The following UNC5B variants were observed in gnomAD, a reference collection of about 807,000 sequenced individuals.
UNC5B encodes the protein netrin receptor UNC5B.
A neutral mutation model predicts 103.7 loss-of-function variants in UNC5B; 56 were observed. The observed-to-expected ratio is 0.54, with a 90% CI of 0.44 to 0.67. The LOEUF is 0.67. Ranked by LOEUF, UNC5B falls within the 30% of genes least tolerant of loss-of-function variation. The pLI, the probability that UNC5B is intolerant of heterozygous loss-of-function variation, is 0.00. For missense variants in UNC5B, 1,194 were observed against 1,284.5 expected (o/e 0.93, Z 1.08); for synonymous variants, 577 against 542.0 (o/e 1.06, Z -0.90).
chr10:71,287,708 G>A lies in UNC5B; in HGVS notation c.844G>A (p.Gly282Arg). The A allele has an allele frequency of 6.2e-7, 1 of 1,612,898 alleles. No homozygotes were observed. Among genetic ancestry groups the A allele is most frequent in the Non-Finnish European group, 8.5e-7 (1 of 1,179,374 alleles). The change falls in exon 6 of 17, where the codon GGG (glycine) becomes AGG (arginine). Residue 282 changes from glycine to arginine, a missense_variant. Transcript: ENST00000335350. ...TCTNPAPLNG[G>R]AFCEGQAFQK... Reference sequence around the variant, plus strand: ...CACCAACCCCGCTCCACTCAACGGAGGGGCCTTCTGCGAGGGCCAGGCATT... The same window carrying A: ...CACCAACCCCGCTCCACTCAACGGAAGGGCCTTCTGCGAGGGCCAGGCATT...
intron 1 of UNC5B, among the ~76,000 whole-genome samples, chr10:71,259,086 T>G (rs569128374): frequency 1.3e-5 from 2 of 152,168 alleles, no homozygotes; most frequent in Non-Finnish European, 2.9e-5. Context: ...AGTATGGCCA[T>G]TCATTAGAAA....
At chr10:71,279,739 C>T (rs1205596558) in intron 1 of UNC5B, 82 bp from the exon 2 acceptor site, 5 of 1,446,056 alleles carry the variant, frequency 3.5e-6, no homozygotes, top group African/African-American at 2.8e-5. Flanking sequence ...TCTTCGTCTG[C>T]GGTGGGCCCC....
intron 1 of UNC5B, among the ~76,000 whole-genome samples, chr10:71,274,528 A>C (rs1844722285): frequency 6.6e-6 from 1 of 152,184 alleles, no homozygotes. Context: ...ATGTGAGTCA[A>C]GGTTGGCTGA....
At position 71,269,868 on chromosome 10, in the gene UNC5B, A is replaced by G. The variant is rs1293488800; in HGVS notation, c.80-9953A>G. On this transcript the variant is annotated intron_variant, in intron 1 of 16. Coordinates refer to ENST00000335350, the MANE Select transcript of UNC5B (RefSeq NM_170744.5). ...TGCATTTTCACTGGGTGGTCAGGGA[A>G]GGCCTCACTGGAGAGGTGGCATTTG... is the stretch of plus-strand genomic sequence containing the variant. Among the ~76,000 whole-genome samples the G allele has an allele frequency of 3.3e-5, 5 of 152,268 alleles. No homozygotes were observed. The East Asian group carries it at 7.7e-4, about 24-fold the overall frequency.
chr10:71,295,053 G>T (rs746476634), intron 13 of UNC5B, among the ~76,000 whole-genome samples: 3 of 152,064 alleles, frequency 2.0e-5, no homozygotes, highest in Non-Finnish European at 4.4e-5. Context: ...CCCTGGCCCC[G>T]TCCAGCTCCT....
intron 1 of UNC5B, among the ~76,000 whole-genome samples, chr10:71,246,157 A>G (rs1844028930): frequency 6.6e-6 from 1 of 152,206 alleles, no homozygotes; most frequent in South Asian, 2.1e-4. Flanking sequence ...TCAGAAGCCC[A>G]GCAGTTGGTG....
At chr10:71,267,962 C>T (rs1283538730) in intron 1 of UNC5B, among the ~76,000 whole-genome samples, 1 of 152,242 alleles carries the variant, frequency 6.6e-6, no homozygotes, top group Non-Finnish European at 1.5e-5. Context: ...CAAGTTACTA[C>T]TCCTCTGAGG....
intron 1 of UNC5B, among the ~76,000 whole-genome samples, chr10:71,274,648 G>A (rs1287301217): frequency 2.0e-5 from 3 of 152,128 alleles, no homozygotes; most frequent in East Asian, 3.9e-4. Flanking sequence ...AAAGAGGCAG[G>A]TAAAGGCAAA....
At chr10:71,294,819 A>G (rs561135755) in intron 13 of UNC5B, among the ~76,000 whole-genome samples, 6 of 152,152 alleles carry the variant, frequency 3.9e-5, no homozygotes, top group Non-Finnish European at 8.8e-5. Context: ...GATGGCAGGT[A>G]TGGAGCCCCG....
intron 1 of UNC5B, among the ~76,000 whole-genome samples, chr10:71,246,359 C>T (rs553378163): frequency 6.6e-6 from 1 of 152,132 alleles, no homozygotes; most frequent in Admixed American, 6.5e-5. Context: ...TGTGGCTCTC[C>T]ACACCCAGGG....
chr10:71,260,533 G>A lies in UNC5B; in HGVS notation c.80-19288G>A, dbSNP rs150980219. 1.6e-3 allele frequency among the ~76,000 whole-genome samples: 244 copies of A among 152,352 alleles called. 2 individuals are homozygous for A. The East Asian group carries it at 0.035, about 22-fold the overall frequency. ...TCTCAGCAGCTTTCCTGTCTTCCCT[G>A]CAGGGCCTCTGGGCTCAGGGCCCTT... On this transcript the variant is annotated intron_variant, in intron 1 of 16. Transcript: ENST00000335350.
intron 8 of UNC5B, 26 bp downstream of exon 8, chr10:71,289,016 C>G: frequency 6.2e-7 from 1 of 1,614,216 alleles, no homozygotes; most frequent in South Asian, 1.1e-5. Context: ...TGGCTGTCCT[C>G]TTTCCTCTGG....
rs560655533 is a variant in UNC5B, at chr10:71,298,003, T to C, written c.2585T>C (p.Ile862Thr). ...TATGCCTTCAAGATCCCACTGTCCA[T>C]CCGCCAGAAGATATGCAACAGCCTA... ...GPYAFKIPLS[I>T]RQKICNSLDA... The change falls in exon 16 of 17, where the codon ATC (isoleucine) becomes ACC (threonine). Residue 862 changes from isoleucine (I) to threonine (T), a missense_variant. Transcript: ENST00000335350. 75 of 1,613,994 alleles carry C rather than the reference T, an allele frequency of 4.6e-5. No homozygotes were observed. The Admixed American group carries it at 1.2e-3, about 27-fold the overall frequency.
chr10:71,284,282 G>T (rs1457615986), intron 2 of UNC5B, among the ~76,000 whole-genome samples: 2 of 152,132 alleles, frequency 1.3e-5, no homozygotes, highest in Admixed American at 1.3e-4. Context: ...ATGTGCAAGG[G>T]CCCCGTGGCT....
intron 1 of UNC5B, among the ~76,000 whole-genome samples, chr10:71,255,079 C>T (rs1223145126): frequency 6.6e-6 from 1 of 152,208 alleles, no homozygotes; most frequent in East Asian, 1.9e-4. Flanking sequence ...CTACACTTAA[C>T]ATTATTCCAT....
At chr10:71,240,032 G>T (rs942448883) in intron 1 of UNC5B, among the ~76,000 whole-genome samples, 1 of 152,154 alleles carries the variant, frequency 6.6e-6, no homozygotes, top group Non-Finnish European at 1.5e-5. Context: ...AGGGAAGGTG[G>T]CATGTTAGCT....
intron 5 of UNC5B, among the ~76,000 whole-genome samples, chr10:71,287,256 C>T (rs75556986): frequency 0.059 from 8,917 of 152,264 alleles, 343 homozygotes; most frequent in South Asian, 0.09. Flanking sequence ...GGTGACTTGA[C>T]AGAGTTTTAG....
Position 71,293,405 on chromosome 10 carries a change from C to T in UNC5B, c.1773C>T (p.Leu591=). The T allele has an allele frequency of 1.2e-6, 2 of 1,611,380 alleles. No homozygotes were observed. Among genetic ancestry groups the T allele is most frequent in the Non-Finnish European group, 1.7e-6 (2 of 1,178,508 alleles). Residue 591 remains leucine, a splice_region_variant and synonymous_variant, in exon 12 of 17, where the codon CTC becomes CTT. Transcript: ENST00000335350. ...TCTCCTACCCTGTGTCCTCCTCCAG[C>T]CCGCTTTCAGAAGGGACCCAGACAG... The part of the protein sequence containing the change: ...YLLINKAEST[L]PLSEGTQTVL...
At chr10:71,265,786 C>T (rs1414772454) in intron 1 of UNC5B, among the ~76,000 whole-genome samples, 1 of 152,192 alleles carries the variant, frequency 6.6e-6, no homozygotes, top group Non-Finnish European at 1.5e-5. Context: ...TAAGGGCCTG[C>T]CCAGCCTCTG....
Sources: gnomAD v4.1 joint callset for allele counts (sites outside exome capture counted in the v4.1 genomes callset) on GRCh38, gnomAD v4.1.1 for gene constraint, MANE v1.5 for transcripts, NCBI Gene and HGNC (gene_info 2026-07-23, HGNC 2026-07-21) for gene names.